The following ZFHX3 variants were observed in gnomAD, a reference collection of about 807,000 sequenced individuals.
The protein encoded by ZFHX3 is zinc finger homeobox protein 3.
In ZFHX3, 42 loss-of-function variants were observed where a neutral mutation model predicts 279.1. The ratio of observed to expected loss-of-function variants is 0.15; its 90% CI spans 0.12 to 0.19. The LOEUF is 0.19. Ranked by LOEUF, ZFHX3 falls within the 10% of genes least tolerant of loss-of-function variation. ZFHX3 has a pLI of 1.00. For missense variants in ZFHX3, 4,981 were observed against 4,754.0 expected (o/e 1.05, Z -1.40); for synonymous variants, 2,293 against 1,957.8 (o/e 1.17, Z -4.52).
chr16:72,936,873 G>A (rs542520824), intron 3 of ZFHX3, among the ~76,000 whole-genome samples: 2 of 152,234 alleles, frequency 1.3e-5, no homozygotes, highest in Non-Finnish European at 1.5e-5. Flanking sequence ...GTAGAGGCGG[G>A]GGAGAGTTGA....
rs115787240 is a variant in ZFHX3 at position 73,340,546 on chromosome 16, T to G, written c.-1290-22210A>C. Among the ~76,000 whole-genome samples the G allele has an allele frequency of 8.5e-4, 130 of 152,290 alleles. 1 individual carries two copies. Among genetic ancestry groups the G allele is most frequent in the South Asian group, 6.2e-4 (3 of 4,818 alleles). ...TACTTTGGTTTTTTTGTGTGTGTGT[T>G]TTTTGATTTTGTAGAGACGAAGTCT... On this transcript the variant is annotated intron_variant, in intron 3 of 17. Transcript: ENST00000641206.
At chr16:72,838,973 C>T (rs966565554) in intron 4 of ZFHX3, among the ~76,000 whole-genome samples, 6 of 151,856 alleles carry the variant, frequency 4.0e-5, no homozygotes, top group South Asian at 2.1e-4. Context: ...GAAACGCTCT[C>T]GGAATACACG....
chr16:73,463,909 C>A (rs1033318192), intron 2 of ZFHX3, among the ~76,000 whole-genome samples: 1 of 152,178 alleles, frequency 6.6e-6, no homozygotes, highest in African/African-American at 2.4e-5. Context: ...GTTCTGACTC[C>A]TTTTTTTGCT....
At chr16:73,689,553 C>G (rs765497244) in intron 1 of ZFHX3, among the ~76,000 whole-genome samples, 10 of 152,286 alleles carry the variant, frequency 6.6e-5, no homozygotes, top group Admixed American at 4.6e-4. Flanking sequence ...CCCCTCCCCC[C>G]ACTCATTCCA....
intron 2 of ZFHX3, among the ~76,000 whole-genome samples, chr16:73,473,338 G>GC (rs1491376903): frequency 1.4e-4 from 1 of 6,918 alleles, no homozygotes; most frequent in Non-Finnish European, 3.0e-4. Flanking sequence ...CTGTCTCAAA[G>GC]CAAAAAAAAA....
Position 73,880,708 on chromosome 16 carries a change from C to A in ZFHX3, c.-1608+10943G>T, listed in dbSNP as rs549583054. Among the ~76,000 whole-genome samples, 4 of 152,294 alleles carry A rather than the reference C, an allele frequency of 2.6e-5. No homozygotes were observed. The South Asian group carries it at 8.3e-4, about 32-fold the overall frequency. ...GCAGTCTCCATTTAAATGTCTCCAA[C>A]AGAACACAAAATAATTTTGCAGTAA... On this transcript the variant is annotated intron_variant, in intron 1 of 17. Transcript: ENST00000641206.
intron 4 of ZFHX3, among the ~76,000 whole-genome samples, chr16:72,846,046 T>G (rs983024207): frequency 6.6e-6 from 1 of 152,182 alleles, no homozygotes; most frequent in Non-Finnish European, 1.5e-5. Context: ...CATATCCATG[T>G]GGCACCTACC....
At chr16:73,034,114 A>C (rs1672103028) in intron 1 of ZFHX3, among the ~76,000 whole-genome samples, 1 of 150,212 alleles carries the variant, frequency 6.7e-6, no homozygotes, top group African/African-American at 2.4e-5. Context: ...AAAAAAAAAA[A>C]GTCTAGGATG....
chr16:73,333,590 G>A (rs2015848303), intron 3 of ZFHX3, among the ~76,000 whole-genome samples: 1 of 152,132 alleles, frequency 6.6e-6, no homozygotes, highest in Non-Finnish European at 1.5e-5. Flanking sequence ...GGTATAGGAT[G>A]AGTTGACAAG....
At chr16:72,847,227 G>A (rs1302848223) in intron 4 of ZFHX3, among the ~76,000 whole-genome samples, 2 of 152,180 alleles carry the variant, frequency 1.3e-5, no homozygotes, top group African/African-American at 4.8e-5. Context: ...AAATGAATTT[G>A]GTATTGAGGA....
chr16:72,874,934 C>G (rs2038271844), intron 4 of ZFHX3, among the ~76,000 whole-genome samples: 1 of 152,198 alleles, frequency 6.6e-6, no homozygotes, highest in Non-Finnish European at 1.5e-5. Flanking sequence ...GGACCAAGAC[C>G]TACACACCAC....
chr16:73,772,764 G>GC (rs1567405722), intron 1 of ZFHX3, among the ~76,000 whole-genome samples: 1 of 152,032 alleles, frequency 6.6e-6, no homozygotes. Flanking sequence ...ACTTCATATG[G>GC]GGGGTGTGTG....
intron 2 of ZFHX3, among the ~76,000 whole-genome samples, chr16:73,510,695 G>C (rs1442676394): frequency 6.6e-6 from 1 of 152,316 alleles, no homozygotes; most frequent in South Asian, 2.1e-4. Flanking sequence ...TCCAACCTGA[G>C]CAACCATACA....
At chr16:73,272,297 T>C (rs1326697407) in intron 4 of ZFHX3, among the ~76,000 whole-genome samples, 1 of 152,232 alleles carries the variant, frequency 6.6e-6, no homozygotes, top group Non-Finnish European at 1.5e-5. Context: ...GTATTCTATA[T>C]TTTTCTCTCC....
At chr16:73,375,606 T>C (rs2016709089) in intron 3 of ZFHX3, among the ~76,000 whole-genome samples, 1 of 152,226 alleles carries the variant, frequency 6.6e-6, no homozygotes, top group African/African-American at 2.4e-5. Flanking sequence ...TATAAGTTTA[T>C]ACTGATACTT....
chr16:72,991,712 A>C (rs1254225722), intron 1 of ZFHX3, among the ~76,000 whole-genome samples: 3 of 152,216 alleles, frequency 2.0e-5, no homozygotes, highest in Non-Finnish European at 4.4e-5. Flanking sequence ...AGAAGCAGAG[A>C]GACTTGTCCA....
chr16:73,751,525 T>C (rs200104697), intron 1 of ZFHX3, among the ~76,000 whole-genome samples: 1 of 101,690 alleles, frequency 9.8e-6, no homozygotes, highest in African/African-American at 3.0e-5. Context: ...GTATATGTGT[T>C]TATGTGTGTG....
intron 5 of ZFHX3, among the ~76,000 whole-genome samples, chr16:73,220,875 C>G (rs1157617495): frequency 6.6e-6 from 1 of 152,016 alleles, no homozygotes; most frequent in African/African-American, 2.4e-5. Context: ...GTCCCTGAAC[C>G]CTTTTTGGTG....
At chr16:73,644,182 C>G (rs1431163071) in intron 2 of ZFHX3, among the ~76,000 whole-genome samples, 2 of 152,094 alleles carry the variant, frequency 1.3e-5, no homozygotes, top group South Asian at 2.1e-4. Flanking sequence ...TACCCATTCT[C>G]TCTTGGTTAA....
Sources: gnomAD v4.1 joint callset for allele counts (sites outside exome capture counted in the v4.1 genomes callset) on GRCh38, gnomAD v4.1.1 for gene constraint, MANE v1.5 for transcripts, NCBI Gene and HGNC (gene_info 2026-07-23, HGNC 2026-07-21) for gene names.